RASAL2: variants seen among roughly 807,000 people sequenced by gnomAD.
The protein encoded by RASAL2 is RAS protein activator like 2.
In RASAL2, 58 loss-of-function variants were observed where a neutral mutation model predicts 128.9. That is an observed-to-expected ratio of 0.45 (90% CI 0.36 to 0.56). The LOEUF (loss-of-function observed/expected upper bound fraction) is 0.56, where lower values mean the gene tolerates loss of function less well. Ranked by LOEUF, RASAL2 falls within the 20% of genes least tolerant of loss-of-function variation. The pLI is 0.00. For missense variants in RASAL2, 1,360 were observed against 1,601.6 expected, an observed-to-expected ratio of 0.85 and a Z score of 2.57; for synonymous variants, 561 against 580.8, an observed-to-expected ratio of 0.97 and a Z score of 0.49.
At chr1:178,463,069 T>C (rs1647274998) in intron 14 of RASAL2, among the ~76,000 whole-genome samples, 1 of 152,124 alleles carries the variant, frequency 6.6e-6, no homozygotes. Flanking sequence ...TTAAAATATT[T>C]ATTTAGAGTT....
At chr1:178,361,978 G>A (rs984735555) in intron 3 of RASAL2, among the ~76,000 whole-genome samples, 2 of 152,038 alleles carry the variant, frequency 1.3e-5, no homozygotes, top group Admixed American at 6.5e-5. Flanking sequence ...GTGCTTCTGT[G>A]AGAATCTGAT....
chr1:178,388,579 G>A lies in RASAL2; in HGVS notation c.458-1521G>A, dbSNP rs1672717996. 2.0e-5 allele frequency among the ~76,000 whole-genome samples: 3 copies of A among 152,136 alleles called. No individual in the cohort carries two copies. The South Asian group carries it at 6.2e-4, about 32-fold the overall frequency. ...ATGTTGTCAGCCTCTCAGTCTTTAG[G>A]AATGTTCCAATTTGGCTTGTGCCTT... On this transcript the variant is annotated intron_variant, in intron 3 of 17. Coordinates refer to ENST00000367649, the MANE Select transcript of RASAL2 (RefSeq NM_170692.4).
At chr1:178,355,719 T>C (rs1670767276) in intron 3 of RASAL2, among the ~76,000 whole-genome samples, 1 of 152,006 alleles carries the variant, frequency 6.6e-6, no homozygotes, top group East Asian at 1.9e-4. Context: ...ACAAAGAAAT[T>C]ATACCAGAAT....
chr1:178,217,045 G>A (rs571467951), intron 1 of RASAL2, among the ~76,000 whole-genome samples: 2 of 151,860 alleles, frequency 1.3e-5, no homozygotes, highest in South Asian at 2.1e-4. Context: ...GCACGACCTC[G>A]GCTCACTGCA....
intron 1 of RASAL2, among the ~76,000 whole-genome samples, chr1:178,106,179 G>A (rs1659080233): frequency 6.6e-6 from 1 of 152,032 alleles, no homozygotes; most frequent in African/African-American, 2.4e-5. Context: ...TTTTTTTAAT[G>A]TCATATTTTA....
chr1:178,135,038 A>G (rs1571525290), intron 1 of RASAL2, among the ~76,000 whole-genome samples: 3 of 152,196 alleles, frequency 2.0e-5, no homozygotes, highest in South Asian at 4.1e-4. Context: ...CTTCTCCACC[A>G]TGATAGTGCT....
At chr1:178,453,865 G>A (rs2102893386) in intron 11 of RASAL2, among the ~76,000 whole-genome samples, 1 of 152,040 alleles carries the variant, frequency 6.6e-6, no homozygotes, top group Non-Finnish European at 1.5e-5. Flanking sequence ...CTTTTTAGAG[G>A]TGTACTATTT....
At chr1:178,166,946 G>T (rs1661537506) in intron 1 of RASAL2, among the ~76,000 whole-genome samples, 1 of 152,036 alleles carries the variant, frequency 6.6e-6, no homozygotes, top group Non-Finnish European at 1.5e-5. Flanking sequence ...ATTATTAGGA[G>T]TCATTTTTAA....
intron 4 of RASAL2, among the ~76,000 whole-genome samples, chr1:178,417,296 A>G (rs982777732): frequency 2.0e-5 from 3 of 152,146 alleles, no homozygotes; most frequent in East Asian, 1.9e-4. Context: ...AAGCCTGTGC[A>G]TAAATTTATA....
intron 1 of RASAL2, among the ~76,000 whole-genome samples, chr1:178,112,111 T>C (rs182175840): frequency 6.0e-4 from 92 of 152,336 alleles, no homozygotes; most frequent in African/African-American, 2.1e-3. Context: ...TTGTCAGATA[T>C]GTGATCTGTA....
At chr1:178,391,382 A>G (rs1011427563) in intron 4 of RASAL2, among the ~76,000 whole-genome samples, 2 of 152,232 alleles carry the variant, frequency 1.3e-5, no homozygotes, top group African/African-American at 4.8e-5. Context: ...TGTGATGTTT[A>G]TAAAACTTGT....
chr1:178,095,906 A>G (rs1571464350), intron 1 of RASAL2, among the ~76,000 whole-genome samples: 1 of 152,184 alleles, frequency 6.6e-6, no homozygotes, highest in African/African-American at 2.4e-5. Flanking sequence ...AATCATCACT[A>G]GTGACCCTTT....
intron 1 of RASAL2, among the ~76,000 whole-genome samples, chr1:178,204,865 C>A (rs1452897307): frequency 2.0e-5 from 3 of 152,188 alleles, no homozygotes. Flanking sequence ...AATGGTATTT[C>A]ATAATCAGAG....
chr1:178,188,160 A>T (rs553270875), intron 1 of RASAL2, among the ~76,000 whole-genome samples: 1 of 152,134 alleles, frequency 6.6e-6, no homozygotes, highest in East Asian at 1.9e-4. Context: ...TTAATATTCA[A>T]CCAATAACTC....
intron 3 of RASAL2, among the ~76,000 whole-genome samples, chr1:178,320,167 G>T (rs1268810605): frequency 1.3e-5 from 2 of 152,046 alleles, no homozygotes; most frequent in East Asian, 3.9e-4. Flanking sequence ...ATCTCCAGCT[G>T]CGTGCTGGGA....
chr1:178,168,440 T>C (rs892513554), intron 1 of RASAL2, among the ~76,000 whole-genome samples: 9 of 152,210 alleles, frequency 5.9e-5, no homozygotes, highest in Non-Finnish European at 1.2e-4. Flanking sequence ...GCTTAATTTC[T>C]AGAGGATTGT....
chr1:178,398,282 A>G (rs1284252374), intron 4 of RASAL2, among the ~76,000 whole-genome samples: 1 of 152,200 alleles, frequency 6.6e-6, no homozygotes, highest in Non-Finnish European at 1.5e-5. Flanking sequence ...GCTAATTTAC[A>G]GTAGTGTCCT....
At chr1:178,444,168 CT>C (rs1676845036) in intron 8 of RASAL2, among the ~76,000 whole-genome samples, 4 of 152,206 alleles carry the variant, frequency 2.6e-5, no homozygotes, top group Admixed American at 2.6e-4. Context: ...TATATTTCTA[CT>C]TTTCAGTTGC....
intron 1 of RASAL2, among the ~76,000 whole-genome samples, chr1:178,179,493 G>A (rs1026204434): frequency 6.6e-6 from 1 of 152,196 alleles, no homozygotes; most frequent in African/African-American, 2.4e-5. Flanking sequence ...AGAGGAGATA[G>A]AGAGGGTAAG....
Sources: gnomAD v4.1 joint callset for allele counts (sites outside exome capture counted in the v4.1 genomes callset) on GRCh38, gnomAD v4.1.1 for gene constraint, MANE v1.5 for transcripts, NCBI Gene and HGNC (gene_info 2026-07-23, HGNC 2026-07-21) for gene names.